The following HACE1 variants were observed in gnomAD, a reference collection of about 807,000 sequenced individuals.
HACE1 encodes the protein E3 ubiquitin-protein ligase HACE1.
Under a neutral mutation model 118.4 loss-of-function variants are expected in HACE1, and 73 were observed. That is an observed-to-expected ratio of 0.62 (90% CI 0.51 to 0.75). The LOEUF (loss-of-function observed/expected upper bound fraction) is 0.75, where lower values mean the gene tolerates loss of function less well. HACE1 is among the 30% of genes least tolerant of loss of function. The probability of loss-of-function intolerance (pLI) is 0.00; values close to 1 mark genes in which losing one functional copy is unlikely to be tolerated. For missense variants in HACE1, 749 were observed against 1,102.2 expected (o/e 0.68, Z 4.54); for synonymous variants, 368 against 374.8 (o/e 0.98, Z 0.21).
rs1311926574 is a variant in HACE1, at chr6:104,833,309, T to G, written c.403-136A>C. 3 of 795,446 alleles carry G rather than the reference T, an allele frequency of 3.8e-6. No homozygotes were observed. In the Admixed American group the frequency reaches 5.6e-5, roughly 15 times the overall value. 49.3% of individuals were successfully genotyped at this position (795,446 alleles called of 1,614,324 possible). A position where few individuals can be genotyped will look rare whatever the true frequency, so the allele number is the denominator to read the frequency against. On this transcript the variant is annotated intron_variant, in intron 5 of 23. Transcript: ENST00000262903. ...GGTGTTTTAAGTCCATGTAATGGTT[T>G]AAAACTAAAGGTATTTTAAGTCCAT... is the stretch of plus-strand genomic sequence containing the variant.
intron 17 of HACE1, among the ~76,000 whole-genome samples, chr6:104,773,892 T>C (rs929679343): frequency 1.3e-4 from 20 of 151,864 alleles, no homozygotes; most frequent in African/African-American, 4.8e-4. Context: ...AAAATATATA[T>C]AGCTGTGATT....
chr6:104,801,111 A>C (rs146430636), intron 7 of HACE1, among the ~76,000 whole-genome samples: 125 of 152,316 alleles, frequency 8.2e-4, no homozygotes, highest in African/African-American at 2.9e-3. Flanking sequence ...GGAAGAAAGG[A>C]TATCAGTGAT....
intron 22 of HACE1, among the ~76,000 whole-genome samples, chr6:104,735,608 A>G (rs6900053): frequency 0.56 from 84,205 of 151,486 alleles, 25,129 homozygotes; most frequent in African/African-American, 0.79. Context: ...TCCAGCCTGG[A>G]CGACAGAGCG....
Position 104,729,428 on chromosome 6 carries a change from T to C in HACE1, c.*234A>G. ...AAGGACAGTCTCTATTACTTTCAGT[T>C]AGCATTTTAAAAAATAAAATCTACT... On this transcript the variant is annotated 3_prime_UTR_variant, in exon 24 of 24. Coordinates refer to ENST00000262903, the MANE Select transcript of HACE1 (RefSeq NM_020771.4). 1 of 529,428 alleles carries C rather than the reference T, an allele frequency of 1.9e-6. No individual in the cohort carries two copies. Among genetic ancestry groups the C allele is most frequent in the Non-Finnish European group, 3.4e-6 (1 of 296,428 alleles). The allele number at this position is 529,428 out of a possible 1,614,324, so 32.8% of individuals were successfully genotyped here.
intron 6 of HACE1, among the ~76,000 whole-genome samples, chr6:104,824,195 T>A (rs549812441): frequency 6.6e-6 from 1 of 152,316 alleles, no homozygotes; most frequent in East Asian, 1.9e-4. Flanking sequence ...GTGTGCAAAA[T>A]GGAGTCTCAT....
At chr6:104,796,389 C>T (rs1243472189) in intron 9 of HACE1, among the ~76,000 whole-genome samples, 1 of 152,082 alleles carries the variant, frequency 6.6e-6, no homozygotes, top group Admixed American at 6.5e-5. Context: ...GAATTACAGG[C>T]GTGAGATACC....
In HACE1 at chr6:104,843,273, A is replaced by G. The variant is rs1205842656; in HGVS notation, c.352T>C (p.Leu118=). Residue 118 remains leucine, a synonymous_variant, in exon 5 of 24, where the codon TTA becomes CTA. Transcript: ENST00000262903. ...ATGTTGACATCAGCGCTATATTCTA[A>G]TAATTTACTCATACATTTCTTCTGC... ...NGQKKCMSKL[L]EYSADVNICN... The G allele has an allele frequency of 2.6e-6, 4 of 1,538,074 alleles. No homozygotes were observed.
chr6:104,759,253 T>A (rs1432280028), intron 19 of HACE1, among the ~76,000 whole-genome samples: 1 of 152,190 alleles, frequency 6.6e-6, no homozygotes. Flanking sequence ...TAGATTCTTC[T>A]CAGCACCACA....
rs1005032279 is a variant in HACE1 at position 104,859,583 on chromosome 6, G to C, written c.60C>G (p.Thr20=). Reference sequence around the variant, plus strand: ...CCGGCTCACCCTCGGGCAACTCCACGGTGCGCGCGCGGCGCAGCGAGCGCG... The same window carrying C: ...CCGGCTCACCCTCGGGCAACTCCACCGTGCGCGCGCGGCGCAGCGAGCGCG... ...RLTRSLRRAR[T]VELPEDNETA... The change falls in exon 1 of 24, where the codon ACC becomes ACG. Residue 20 remains threonine, a synonymous_variant. Coordinates refer to ENST00000262903, the MANE Select transcript of HACE1 (RefSeq NM_020771.4). The C allele has an allele frequency of 6.5e-7, 1 of 1,527,022 alleles. No individual in the cohort carries two copies. The highest frequency in any genetic ancestry group is 8.8e-7 in the Non-Finnish European group (1 of 1,141,874). 94.6% of individuals were successfully genotyped at this position (1,527,022 alleles called of 1,614,324 possible).
chr6:104,788,408 T>TATAC (rs1335818392), intron 11 of HACE1, among the ~76,000 whole-genome samples: 1 of 152,078 alleles, frequency 6.6e-6, no homozygotes, highest in East Asian at 1.9e-4. Context: ...TATTTCAAAA[T>TATAC]ATACAATCTC....
At position 104,729,554 on chromosome 6, in the gene HACE1, G is replaced by A; in HGVS notation, c.*108C>T. ...GATCCTTTATAAATTGGAAGCATCA[G>A]CCCTGCCTATGGGTTGCATTTAGGC... On this transcript the variant is annotated 3_prime_UTR_variant, in exon 24 of 24. Coordinates refer to ENST00000262903, the MANE Select transcript of HACE1 (RefSeq NM_020771.4). 2.7e-6 allele frequency: 2 copies of A among 740,862 alleles called. No homozygotes were observed. Among genetic ancestry groups the A allele is most frequent in the Non-Finnish European group, 5.0e-6 (2 of 400,850 alleles). 45.9% of individuals were successfully genotyped at this position (740,862 alleles called of 1,614,324 possible). A position where few individuals can be genotyped will look rare whatever the true frequency, so the allele number is the denominator to read the frequency against.
intron 20 of HACE1, among the ~76,000 whole-genome samples, chr6:104,748,442 T>C (rs1251256018): frequency 6.6e-6 from 1 of 152,128 alleles, no homozygotes; most frequent in African/African-American, 2.4e-5. Flanking sequence ...CAAATGCTAG[T>C]GAGAATGCAG....
At chr6:104,760,680 T>C (rs1278894650) in intron 19 of HACE1, among the ~76,000 whole-genome samples, 1 of 152,162 alleles carries the variant, frequency 6.6e-6, no homozygotes, top group African/African-American at 2.4e-5. Context: ...CAACATAGTA[T>C]TGGAAATTCT....
intron 6 of HACE1, among the ~76,000 whole-genome samples, chr6:104,828,074 A>G (rs574420933): frequency 2.8e-4 from 43 of 152,200 alleles, no homozygotes; most frequent in African/African-American, 8.4e-4. Context: ...TTCTGAGAAG[A>G]CTGTAATTAA....
At chr6:104,748,418 A>C (rs893374518) in intron 20 of HACE1, among the ~76,000 whole-genome samples, 2 of 152,192 alleles carry the variant, frequency 1.3e-5, no homozygotes, top group Non-Finnish European at 2.9e-5. Flanking sequence ...GAAATGAAAA[A>C]GATGGAAAAT....
chr6:104,752,737 ATTTT>A (rs905221666), intron 19 of HACE1, among the ~76,000 whole-genome samples: 2 of 151,934 alleles, frequency 1.3e-5, no homozygotes, highest in African/African-American at 4.8e-5. Flanking sequence ...CCTACATTTT[ATTTT>A]TTAATTAATT....
chr6:104,796,726 T>C lies in HACE1; in HGVS notation c.745A>G (p.Ile249Val). Residue 249 changes from isoleucine (I) to valine (V), a missense_variant, in exon 9 of 24, where the codon ATT (isoleucine) becomes GTT (valine). Ile to Val is a conservative substitution (Grantham distance 29, BLOSUM62 3). This residue lies in a region of HACE1 where 267 missense variants were observed against 312.2 expected (regional missense o/e 0.86). Transcript: ENST00000262903. ...GGYGETCEVLIQYHPRLFQTI... is the reference protein window; with the variant it reads ...GGYGETCEVLVQYHPRLFQTI... Reference sequence around the variant, plus strand: ...TGAAAAAGCCTCGGGTGATATTGAATTAATACTTCACAAGTCTCTCCATAT... The same window carrying C: ...TGAAAAAGCCTCGGGTGATATTGAACTAATACTTCACAAGTCTCTCCATAT... 1 of 1,590,424 alleles carries C rather than the reference T, an allele frequency of 6.3e-7. No homozygotes were observed. The highest frequency in any genetic ancestry group is 8.6e-7 in the Non-Finnish European group (1 of 1,159,052).
At chr6:104,793,984 G>T (rs1783348007) in intron 10 of HACE1, among the ~76,000 whole-genome samples, 1 of 152,062 alleles carries the variant, frequency 6.6e-6, no homozygotes, top group African/African-American at 2.4e-5. Flanking sequence ...TTTGGTCATG[G>T]GTTCCTTTTT....
intron 20 of HACE1, among the ~76,000 whole-genome samples, chr6:104,746,827 T>G (rs1777486302): frequency 6.6e-6 from 1 of 152,236 alleles, no homozygotes; most frequent in African/African-American, 2.4e-5. Flanking sequence ...GCTTTACGCA[T>G]GTCTTACAAT....
Sources: allele counts gnomAD v4.1 joint callset (sites outside exome capture counted in the v4.1 genomes callset), GRCh38; gene constraint gnomAD v4.1.1; regional missense constraint gnomAD v4.1.1; transcripts MANE v1.5; gene names NCBI Gene and HGNC (gene_info 2026-07-23, HGNC 2026-07-21).